The following KCNH7 variants were observed in gnomAD, a reference collection of about 807,000 sequenced individuals.
The protein encoded by KCNH7 is potassium voltage-gated channel subfamily H member 7.
Under a neutral mutation model 120.8 loss-of-function variants are expected in KCNH7, and 49 were observed. The ratio of observed to expected loss-of-function variants is 0.41; its 90% CI spans 0.32 to 0.51. The LOEUF is 0.51. Among genes scored for constraint, KCNH7 ranks in the 20% least tolerant of loss-of-function variants. The pLI is 0.38. For missense variants in KCNH7, 1,097 were observed against 1,446.6 expected (o/e 0.76, Z 3.92); for synonymous variants, 547 against 516.1 (o/e 1.06, Z -0.81).
intron 7 of KCNH7, among the ~76,000 whole-genome samples, chr2:162,441,996 C>CT (rs1558947048): frequency 3.2e-3 from 47 of 14,548 alleles, no homozygotes; most frequent in Non-Finnish European, 6.5e-3. Flanking sequence ...ATAGTTAGGT[C>CT]TTCTTTTTTT....
At chr2:162,473,635 A>T (rs1689638667) in intron 6 of KCNH7, among the ~76,000 whole-genome samples, 1 of 152,202 alleles carries the variant, frequency 6.6e-6, no homozygotes, top group African/African-American at 2.4e-5. Flanking sequence ...CATTAAGGAC[A>T]TATTTATTAT....
intron 2 of KCNH7, among the ~76,000 whole-genome samples, chr2:162,794,776 T>C (rs1684078897): frequency 6.6e-6 from 1 of 152,034 alleles, no homozygotes. Flanking sequence ...TATACGACAA[T>C]GCCTTCCAAA....
chr2:162,406,805 A>C (rs1036827895), intron 9 of KCNH7, among the ~76,000 whole-genome samples: 1 of 152,024 alleles, frequency 6.6e-6, no homozygotes, highest in Non-Finnish European at 1.5e-5. Context: ...TGTTTGTAAA[A>C]GCTAACGTCC....
chr2:162,663,520 G>A (rs772425372), intron 2 of KCNH7, among the ~76,000 whole-genome samples: 6 of 151,984 alleles, frequency 3.9e-5, no homozygotes, highest in Non-Finnish European at 7.4e-5. Context: ...CCTTTTTCAT[G>A]TAGTGCTGAT....
intron 2 of KCNH7, among the ~76,000 whole-genome samples, chr2:162,581,005 A>T (rs574603303): frequency 5.6e-4 from 86 of 152,218 alleles, no homozygotes; most frequent in African/African-American, 2.0e-3. Flanking sequence ...TCAATGAAGT[A>T]TTTATTGGCA....
intron 14 of KCNH7, among the ~76,000 whole-genome samples, chr2:162,375,645 G>C (rs1352449614): frequency 6.6e-6 from 1 of 151,994 alleles, no homozygotes; most frequent in African/African-American, 2.4e-5. Flanking sequence ...ATGGACTCTT[G>C]GGCCAGTCAC....
At chr2:162,605,094 C>T (rs1008119514) in intron 2 of KCNH7, among the ~76,000 whole-genome samples, 2 of 151,990 alleles carry the variant, frequency 1.3e-5, no homozygotes, top group African/African-American at 4.8e-5. Flanking sequence ...TCATTTTTCT[C>T]CCCACTGGAA....
intron 6 of KCNH7, among the ~76,000 whole-genome samples, chr2:162,501,765 C>T (rs1690694579): frequency 6.6e-6 from 1 of 152,088 alleles, no homozygotes; most frequent in African/African-American, 2.4e-5. Context: ...GATCTCCACA[C>T]TCATGACCTA....
chr2:162,475,004 G>A (rs1217057678), intron 6 of KCNH7, among the ~76,000 whole-genome samples: 1 of 152,242 alleles, frequency 6.6e-6, no homozygotes, highest in East Asian at 1.9e-4. Context: ...AAGACCTGGA[G>A]TGAGAACACC....
intron 2 of KCNH7, among the ~76,000 whole-genome samples, chr2:162,829,282 A>G (rs1685391294): frequency 6.6e-6 from 1 of 152,196 alleles, no homozygotes; most frequent in Admixed American, 6.5e-5. Context: ...TCACTTGGCA[A>G]TTATAATAAT....
At chr2:162,421,201 G>A (rs747029726) in intron 9 of KCNH7, among the ~76,000 whole-genome samples, 18 of 152,018 alleles carry the variant, frequency 1.2e-4, no homozygotes, top group Non-Finnish European at 1.8e-4. Context: ...ACACACTCCA[G>A]GACGATGTAA....
intron 2 of KCNH7, among the ~76,000 whole-genome samples, chr2:162,701,428 T>G (rs1232918433): frequency 6.6e-6 from 1 of 152,144 alleles, no homozygotes; most frequent in African/African-American, 2.4e-5. Flanking sequence ...ACAGACACTG[T>G]CAAAAATTTA....
chr2:162,420,585 G>C (rs555684762), intron 9 of KCNH7, among the ~76,000 whole-genome samples: 3 of 152,136 alleles, frequency 2.0e-5, no homozygotes, highest in African/African-American at 7.2e-5. Flanking sequence ...AGGGATTAAA[G>C]GATATGGCCA....
intron 2 of KCNH7, among the ~76,000 whole-genome samples, chr2:162,543,838 G>A (rs906621713): frequency 3.3e-5 from 5 of 152,126 alleles, no homozygotes; most frequent in Non-Finnish European, 5.9e-5. Context: ...TAGTTAGCAA[G>A]GAGCCTGGCA....
intron 2 of KCNH7, among the ~76,000 whole-genome samples, chr2:162,696,835 T>C (rs1295085462): frequency 1.3e-5 from 2 of 152,152 alleles, no homozygotes; most frequent in Non-Finnish European, 2.9e-5. Flanking sequence ...ATGAGAATAA[T>C]AATTGCACTG....
intron 2 of KCNH7, among the ~76,000 whole-genome samples, chr2:162,724,881 AG>A (rs1278592564): frequency 1.3e-5 from 2 of 152,186 alleles, no homozygotes; most frequent in Non-Finnish European, 2.9e-5. Context: ...ACTGCATCAA[AG>A]GAAAAGGTTA....
At chr2:162,722,833 C>CTTTTTTTTTTTTTTTTTTTTTTTTT (rs1687374336) in intron 2 of KCNH7, among the ~76,000 whole-genome samples, 2 of 44,504 alleles carry the variant, frequency 4.5e-5, no homozygotes, top group East Asian at 1.1e-3. Flanking sequence ...TTTTTTTTTG[C>CTTTTTTTTTTTTTTTTTTTTTTTTT]TTCTCTGAGT....
intron 2 of KCNH7, among the ~76,000 whole-genome samples, chr2:162,828,766 A>T (rs1685376572): frequency 6.6e-6 from 1 of 152,112 alleles, no homozygotes; most frequent in African/African-American, 2.4e-5. Context: ...GTTTGAGATC[A>T]TTTTACAAAA....
At chr2:162,470,972 G>A (rs1185785344) in intron 6 of KCNH7, among the ~76,000 whole-genome samples, 1 of 152,196 alleles carries the variant, frequency 6.6e-6, no homozygotes, top group Admixed American at 6.5e-5. Context: ...TCTGAAACAT[G>A]TGCTGTGTCC....
Sources: allele counts gnomAD v4.1 joint callset (sites outside exome capture counted in the v4.1 genomes callset), GRCh38; gene constraint gnomAD v4.1.1; transcripts MANE v1.5; gene names NCBI Gene and HGNC (gene_info 2026-07-23, HGNC 2026-07-21).